The following GALNT17 variants were observed in gnomAD, a reference collection of about 807,000 sequenced individuals.
The protein encoded by GALNT17 is polypeptide N-acetylgalactosaminyltransferase 17.
GALNT17 carries 29 observed loss-of-function variants against 63.7 expected under a neutral mutation model. The observed-to-expected ratio is 0.46, with a 90% CI of 0.34 to 0.62. The LOEUF (loss-of-function observed/expected upper bound fraction) is 0.62. Ranked by LOEUF, GALNT17 falls within the 20% of genes least tolerant of loss-of-function variation. The probability of loss-of-function intolerance (pLI) is 0.01; values close to 1 mark genes in which losing one functional copy is unlikely to be tolerated. For missense variants in GALNT17, 603 were observed against 799.6 expected, an observed-to-expected ratio of 0.75 and a Z score of 2.97; for synonymous variants, 305 against 318.3, an observed-to-expected ratio of 0.96 and a Z score of 0.45.
chr7:71,634,012 A>G (rs1230938948), intron 6 of GALNT17, among the ~76,000 whole-genome samples: 3 of 152,146 alleles, frequency 2.0e-5, no homozygotes, highest in Admixed American at 2.0e-4. Flanking sequence ...AACTCTCTCT[A>G]CTACAATACT....
At chr7:71,203,780 G>C (rs1270320507) in intron 1 of GALNT17, among the ~76,000 whole-genome samples, 5 of 152,268 alleles carry the variant, frequency 3.3e-5, no homozygotes, top group Middle Eastern at 6.8e-3. Context: ...GCAAATGAGA[G>C]AGTGGGTCAG....
chr7:71,704,542 T>G (rs1055814440), intron 9 of GALNT17, among the ~76,000 whole-genome samples: 5 of 148,256 alleles, frequency 3.4e-5, no homozygotes, highest in African/African-American at 1.2e-4. Flanking sequence ...ACATATGAAA[T>G]TCAAGGGACA....
At chr7:71,415,852 A>G in intron 3 of GALNT17, 37 bp from the exon 4 acceptor site, 15 of 1,520,942 alleles carry the variant, frequency 9.9e-6, no homozygotes, top group Non-Finnish European at 1.3e-5. Context: ...TTGAAATGAC[A>G]TGTTTATAGA....
intron 1 of GALNT17, among the ~76,000 whole-genome samples, chr7:71,231,727 G>A (rs1562934072): frequency 9.4e-5 from 14 of 149,014 alleles, no homozygotes; most frequent in Non-Finnish European, 2.1e-4. Context: ...AGTGGGGGAG[G>A]GAGAGAGAGA....
Position 71,420,945 on chromosome 7 carries a change from A to G in GALNT17, c.802A>G (p.Lys268Glu). Residue 268 changes from lysine (K) to glutamate (E), a missense_variant, in exon 5 of 11, where the codon AAG becomes GAG. By Grantham distance (56) the Lys-to-Glu change is moderately conservative (BLOSUM62 1). Around this residue, in one of 3 missense-constraint regions of GALNT17, gnomAD observed 336 missense variants for 507.8 expected, o/e 0.66. Transcript: ENST00000333538. Reference sequence around the variant, plus strand: ...TCTATCCCGCATCCAGGAAAACCGGAAGCGTGTGATCCTCCCCTCCATTGA... The same window carrying G: ...TCTATCCCGCATCCAGGAAAACCGGGAGCGTGTGATCCTCCCCTCCATTGA... The part of the protein sequence containing the change: ...PVLSRIQENR[K>E]RVILPSIDNI... The G allele has an allele frequency of 6.2e-7, 1 of 1,614,118 alleles. No homozygotes were observed. Among genetic ancestry groups the G allele is most frequent in the South Asian group, 1.1e-5 (1 of 91,078 alleles).
intron 1 of GALNT17, among the ~76,000 whole-genome samples, chr7:71,244,620 A>G (rs896955052): frequency 6.6e-6 from 1 of 152,202 alleles, no homozygotes; most frequent in Admixed American, 6.5e-5. Flanking sequence ...TGTGGAAATG[A>G]AGATTTTAGA....
intron 2 of GALNT17, among the ~76,000 whole-genome samples, chr7:71,364,127 C>G (rs562131415): frequency 3.0e-4 from 45 of 152,206 alleles, no homozygotes; most frequent in African/African-American, 9.6e-4. Context: ...ATACAGCACC[C>G]TATTTGTAGC....
At chr7:71,366,858 G>A (rs1233348594) in intron 2 of GALNT17, among the ~76,000 whole-genome samples, 1 of 152,042 alleles carries the variant, frequency 6.6e-6, no homozygotes, top group East Asian at 1.9e-4. Context: ...CCAACCTGAA[G>A]GCTAAAAAAA....
chr7:71,432,966 C>T (rs1027143295), intron 5 of GALNT17, among the ~76,000 whole-genome samples: 1 of 152,154 alleles, frequency 6.6e-6, no homozygotes, highest in Non-Finnish European at 1.5e-5. Context: ...TGCACCACCA[C>T]ACCTGGCTAA....
At chr7:71,651,561 C>T (rs930842555) in intron 6 of GALNT17, among the ~76,000 whole-genome samples, 1 of 152,074 alleles carries the variant, frequency 6.6e-6, no homozygotes, top group Non-Finnish European at 1.5e-5. Flanking sequence ...CTCGGCCTCC[C>T]GAAAGTGCTG....
chr7:71,672,932 A>G (rs1791092076), intron 8 of GALNT17, among the ~76,000 whole-genome samples: 1 of 152,250 alleles, frequency 6.6e-6, no homozygotes, highest in Non-Finnish European at 1.5e-5. Flanking sequence ...ACATGGATGA[A>G]AAACACATGA....
intron 5 of GALNT17, among the ~76,000 whole-genome samples, chr7:71,472,530 A>G (rs1303716208): frequency 6.6e-6 from 1 of 152,006 alleles, no homozygotes; most frequent in African/African-American, 2.4e-5. Flanking sequence ...CTACTAAAAT[A>G]AAAAAATTAG....
chr7:71,409,837 A>G (rs1003655619), intron 3 of GALNT17, among the ~76,000 whole-genome samples: 9 of 152,142 alleles, frequency 5.9e-5, no homozygotes, highest in Admixed American at 3.3e-4. Flanking sequence ...CACCTCCCCA[A>G]CGATTTCTGG....
At chr7:71,502,088 C>T (rs1788189296) in intron 5 of GALNT17, among the ~76,000 whole-genome samples, 3 of 152,172 alleles carry the variant, frequency 2.0e-5, no homozygotes, top group Non-Finnish European at 4.4e-5. Flanking sequence ...CTCCCACTGG[C>T]CTTTCAACAT....
intron 5 of GALNT17, among the ~76,000 whole-genome samples, chr7:71,528,287 G>T (rs892242009): frequency 9.9e-5 from 15 of 152,124 alleles, no homozygotes; most frequent in Non-Finnish European, 7.4e-5. Flanking sequence ...ATGTCCTGTG[G>T]GCTGCTCCCA....
chr7:71,634,006 C>G (rs951501933), intron 6 of GALNT17, among the ~76,000 whole-genome samples: 4 of 152,226 alleles, frequency 2.6e-5, no homozygotes, highest in Non-Finnish European at 5.9e-5. Flanking sequence ...CTATTAAACT[C>G]TCTCTACTAC....
intron 6 of GALNT17, among the ~76,000 whole-genome samples, chr7:71,610,716 A>G (rs1280409178): frequency 1.3e-5 from 2 of 152,112 alleles, no homozygotes; most frequent in African/African-American, 4.8e-5. Flanking sequence ...TCAAAAAGGC[A>G]TGATGCGGTG....
intron 6 of GALNT17, among the ~76,000 whole-genome samples, chr7:71,621,299 T>C (rs968865783): frequency 1.3e-5 from 2 of 152,142 alleles, no homozygotes; most frequent in African/African-American, 4.8e-5. Context: ...TACTTATAGC[T>C]ACTTCATTAG....
chr7:71,332,380 C>T (rs1791821755), intron 1 of GALNT17, among the ~76,000 whole-genome samples: 1 of 152,100 alleles, frequency 6.6e-6, no homozygotes, highest in African/African-American at 2.4e-5. Flanking sequence ...CCCAAAATCT[C>T]ATATCCTGTG....
Sources: allele counts gnomAD v4.1 joint callset (sites outside exome capture counted in the v4.1 genomes callset), GRCh38; gene constraint gnomAD v4.1.1; regional missense constraint gnomAD v4.1.1; transcripts MANE v1.5; gene names NCBI Gene and HGNC (gene_info 2026-07-23, HGNC 2026-07-21).